KIF1A: variants seen among roughly 807,000 people sequenced by gnomAD.
The protein encoded by KIF1A is kinesin-like protein KIF1A.
In KIF1A, 46 loss-of-function variants were observed where a neutral mutation model predicts 227.3. That is an observed-to-expected ratio of 0.20 (90% CI 0.16 to 0.26). The LOEUF (loss-of-function observed/expected upper bound fraction) is 0.26, where lower values mean the gene tolerates loss of function less well. KIF1A is among the 10% of genes least tolerant of loss of function. The pLI is 1.00. For missense variants in KIF1A, 1,683 were observed against 2,485.9 expected, an observed-to-expected ratio of 0.68 and a Z score of 6.87; for synonymous variants, 1,022 against 1,012.8, an observed-to-expected ratio of 1.01 and a Z score of -0.17.
chr2:240,760,013 C>G (rs1176294841), intron 25 of KIF1A, among the ~76,000 whole-genome samples: 2 of 149,218 alleles, frequency 1.3e-5, no homozygotes, highest in Non-Finnish European at 3.0e-5. Context: ...AAGGCCCTGT[C>G]TCTTAAAGAA....
chr2:240,739,997 G>T lies in KIF1A; in HGVS notation c.3901+61C>A, dbSNP rs1031561778. ...TTAGAACCCGGGTATCCAGCTCAGG[G>T]CCTGTACTCTTCCCACCAGCTCAGC... On this transcript the variant is annotated intron_variant, in intron 37 of 48. Coordinates refer to ENST00000498729, the MANE Select transcript of KIF1A (RefSeq NM_001244008.2). The surrounding 1 kb of genome is among the most constrained non-coding windows in gnomAD (Gnocchi z 5.6). 9.0e-6 allele frequency: 12 copies of T among 1,340,556 alleles called. No individual in the cohort carries two copies. The highest frequency in any genetic ancestry group is 1.3e-5 in the Non-Finnish European group (12 of 955,248). The allele number at this position is 1,340,556 out of a possible 1,614,324, so 83.0% of individuals were successfully genotyped here.
rs934905418 is a variant in KIF1A at position 240,778,965 on chromosome 2, C to T, written c.883-3039G>A. 1.3e-5 allele frequency among the ~76,000 whole-genome samples: 2 copies of T among 152,190 alleles called. No homozygotes were observed. On this transcript the variant is annotated intron_variant, in intron 10 of 48. Coordinates refer to ENST00000498729, the MANE Select transcript of KIF1A (RefSeq NM_001244008.2). The surrounding 1 kb of genome is among the most constrained non-coding windows in gnomAD (Gnocchi z 7.2). ...CCGTTCCTACACACAGCGCTCCACA[C>T]GGCTCCTCACGGGTCCCCAACAGCA...
chr2:240,728,664 G>A (rs1398407192), intron 38 of KIF1A, among the ~76,000 whole-genome samples: 1 of 152,202 alleles, frequency 6.6e-6, no homozygotes, highest in Non-Finnish European at 1.5e-5. Flanking sequence ...TCCTCAGCTG[G>A]GCCAGGTGGA....
At position 240,786,768 on chromosome 2, in the gene KIF1A, C is replaced by T. The variant is rs1007401420; in HGVS notation, c.430-255G>A. On this transcript the variant is annotated intron_variant, in intron 5 of 48. Transcript: ENST00000498729. The stretch of plus-strand genomic sequence containing the variant: ...GGCCCCTGAGTGAGAGGGTAGGGGC[C>T]ACCATCAGGACCCCTGAGTGAGGGG... Among the ~76,000 whole-genome samples, 786 of 46,666 alleles carry T rather than the reference C, an allele frequency of 0.017. 45 individuals are homozygous for T. Among genetic ancestry groups the T allele is most frequent in the African/African-American group, 0.058 (637 of 10,980 alleles). The allele number at this position is 46,666 out of a possible 152,430, so 30.6% of individuals were successfully genotyped here.
chr2:240,718,766 G>A (rs1389189558), intron 47 of KIF1A, among the ~76,000 whole-genome samples: 11 of 152,304 alleles, frequency 7.2e-5, no homozygotes, highest in East Asian at 1.9e-4. Context: ...TGCCCTGACC[G>A]GAGTCCATCC....
At position 240,788,353 on chromosome 2, in the gene KIF1A, G is replaced by T; in HGVS notation, c.184-123C>A. The T allele has an allele frequency of 1.2e-6, 1 of 830,736 alleles. No individual in the cohort carries two copies. Among genetic ancestry groups the T allele is most frequent in the Non-Finnish European group, 2.0e-6 (1 of 510,484 alleles). The allele number at this position is 830,736 out of a possible 1,614,324, so 51.5% of individuals were successfully genotyped here. A position where few individuals can be genotyped will look rare whatever the true frequency, so the allele number is the denominator to read the frequency against. On this transcript the variant is annotated intron_variant, in intron 3 of 48. Coordinates refer to ENST00000498729, the MANE Select transcript of KIF1A (RefSeq NM_001244008.2). The surrounding 1 kb of genome is among the most constrained non-coding windows in gnomAD (Gnocchi z 6.6). The stretch of plus-strand genomic sequence containing the variant: ...GTGCCAGGGCAGCACAGTGGGGAGG[G>T]ATGCCTGCCCCCCATCCTACTCCTG...
intron 28 of KIF1A, among the ~76,000 whole-genome samples, chr2:240,749,040 C>T (rs745446447): frequency 6.6e-6 from 1 of 151,804 alleles, no homozygotes; most frequent in Non-Finnish European, 1.5e-5. Context: ...GCAGGAGAAT[C>T]GCTTGAACTG....
At chr2:240,780,031 C>T (rs973429044) in intron 10 of KIF1A, among the ~76,000 whole-genome samples, 14 of 152,144 alleles carry the variant, frequency 9.2e-5, no homozygotes, top group African/African-American at 3.4e-4. Flanking sequence ...CAAGCAGATC[C>T]TCTCACAGTG....
At chr2:240,774,367 A>T in intron 11 of KIF1A, 106 bp from the exon 12 acceptor site, 1 of 570,632 alleles carries the variant, frequency 1.8e-6, no homozygotes, top group Non-Finnish European at 3.2e-6. Context: ...TGAGGCCCAG[A>T]GAGGTAAACT....
intron 10 of KIF1A, among the ~76,000 whole-genome samples, chr2:240,779,822 C>T (rs1321784759): frequency 6.6e-6 from 1 of 152,238 alleles, no homozygotes; most frequent in African/African-American, 2.4e-5. Context: ...TCTGCGGCTC[C>T]TCACGCAGCC....
intron 10 of KIF1A, among the ~76,000 whole-genome samples, chr2:240,780,798 CCACA>C (rs534367981): frequency 0.28 from 9,760 of 34,728 alleles, 1,442 homozygotes; most frequent in Middle Eastern, 0.41. Context: ...ACACACAGCT[CCACA>C]CACACACACA....
At chr2:240,733,637 A>G (rs1331869095) in intron 38 of KIF1A, among the ~76,000 whole-genome samples, 1 of 152,116 alleles carries the variant, frequency 6.6e-6, no homozygotes, top group Non-Finnish European at 1.5e-5. Flanking sequence ...GTTGTCAATC[A>G]TCTGTCCTGA....
chr2:240,801,322 T>C (rs1168259301), intron 1 of KIF1A, among the ~76,000 whole-genome samples: 1 of 147,604 alleles, frequency 6.8e-6, no homozygotes, highest in East Asian at 2.0e-4. Flanking sequence ...AAAAAAAAAA[T>C]CAAATGGAAA....
rs374344589 is a variant in KIF1A at position 240,793,691 on chromosome 2, A to G, written c.106+3956T>C. On this transcript the variant is annotated intron_variant, in intron 2 of 48. Transcript: ENST00000498729. This position sits in a 1 kb window ranked among gnomAD's most constrained non-coding sequence, Gnocchi z 4.8. ...AAAACTGCTAGGTCTGGTGTGTTCAAATGAAGAGGATTATTTATGCAGGTG... is the reference window on the plus strand; with the variant it reads ...AAAACTGCTAGGTCTGGTGTGTTCAGATGAAGAGGATTATTTATGCAGGTG... Among the ~76,000 whole-genome samples the G allele has an allele frequency of 9.8e-5, 15 of 152,358 alleles. 1 individual carries two copies. The highest frequency in any genetic ancestry group is 3.6e-4 in the African/African-American group (15 of 41,584).
intron 23 of KIF1A, 123 bp downstream of exon 23, chr2:240,762,596 G>A (rs1288248128): frequency 7.5e-7 from 1 of 1,324,996 alleles, no homozygotes. Context: ...TTTCCCTAAA[G>A]AGACAGGTCC....
intron 10 of KIF1A, among the ~76,000 whole-genome samples, chr2:240,779,097 CTCACTTCCTCACTCAGTTCCTCAT>C (rs1194721839): frequency 1.4e-5 from 2 of 147,000 alleles, no homozygotes; most frequent in African/African-American, 2.7e-5. Flanking sequence ...CAGTTCCTCA[CTCACTTCCTCACTCAGTTCCTCAT>C]AGTTCCACAC....
At chr2:240,742,831 T>C (rs1341691613) in intron 34 of KIF1A, 98 bp downstream of exon 34, 5 of 1,120,734 alleles carry the variant, frequency 4.5e-6, no homozygotes, top group Middle Eastern at 3.9e-4. Context: ...CACAGCCCAG[T>C]CACAGAGGAC....
At chr2:240,728,406 T>G (rs1311741192) in intron 38 of KIF1A, 9 of 1,302,750 alleles carry the variant, frequency 6.9e-6, no homozygotes, top group Non-Finnish European at 9.1e-6. Flanking sequence ...CATTTCCCAA[T>G]GAAACGCTAA....
At chr2:240,718,851 G>T (rs548934175) in intron 47 of KIF1A, among the ~76,000 whole-genome samples, 155 bp downstream of exon 47, 2 of 152,240 alleles carry the variant, frequency 1.3e-5, no homozygotes, top group Non-Finnish European at 2.9e-5. Flanking sequence ...GGATCCCTGA[G>T]GCTGAGTCCC....
Sources: gnomAD v4.1 joint callset for allele counts (sites outside exome capture counted in the v4.1 genomes callset) on GRCh38, gnomAD v4.1.1 for gene constraint, Gnocchi (gnomAD v3.1) non-coding constraint, MANE v1.5 for transcripts, NCBI Gene and HGNC (gene_info 2026-07-23, HGNC 2026-07-21) for gene names.